AMPH: variants seen among roughly 807,000 people sequenced by gnomAD.
The protein encoded by AMPH is amphiphysin, also known as amphiphysin (Stiff-Mann syndrome with breast cancer 128kD autoantigen).
In AMPH, 49 loss-of-function variants were observed where a neutral mutation model predicts 99.1. The observed-to-expected ratio is 0.49, with a 90% CI of 0.39 to 0.63. The LOEUF (loss-of-function observed/expected upper bound fraction) is 0.63. Among genes scored for constraint, AMPH ranks in the 20% least tolerant of loss-of-function variants. AMPH has a pLI of 0.00. For synonymous variants in AMPH, 314 were observed against 317.3 expected, an observed-to-expected ratio of 0.99 and a Z score of 0.11; for missense variants, 759 against 863.4, an observed-to-expected ratio of 0.88 and a Z score of 1.52.
In AMPH at chr7:38,558,194, G is replaced by C. The variant is rs147161596; in HGVS notation, c.70-23183C>G. The stretch of plus-strand genomic sequence containing the variant: ...AATCTTCCTGAACACTCTAAGCACA[G>C]TTTCTAGAGAAAGTCCATCTAATCA... On this transcript the variant is annotated intron_variant, in intron 1 of 20. Transcript: ENST00000356264. Among the ~76,000 whole-genome samples, 882 of 152,310 alleles carry C rather than the reference G, an allele frequency of 5.8e-3. 14 individuals carry two copies. Among genetic ancestry groups the C allele is most frequent in the African/African-American group, 0.02 (820 of 41,566 alleles).
intron 1 of AMPH, among the ~76,000 whole-genome samples, chr7:38,613,787 G>A (rs10228249): frequency 0.037 from 5,325 of 143,694 alleles, 376 homozygotes; most frequent in African/African-American, 0.13. Flanking sequence ...CAGAGGTTTA[G>A]CTGCAGGAAT....
chr7:38,620,548 TACACACACACACACACACAC>T (rs201765719), intron 1 of AMPH, among the ~76,000 whole-genome samples: 1 of 133,100 alleles, frequency 7.5e-6, no homozygotes, highest in African/African-American at 2.9e-5. Context: ...TATACATACA[TACACACACACACACACACAC>T]ACACACACAC....
chr7:38,405,677 G>T (rs545629665), intron 17 of AMPH, among the ~76,000 whole-genome samples: 2 of 152,012 alleles, frequency 1.3e-5, no homozygotes, highest in Non-Finnish European at 1.5e-5. Flanking sequence ...TAGATATATA[G>T]AGAGATACAT....
At chr7:38,587,311 A>T (rs569515852) in intron 1 of AMPH, among the ~76,000 whole-genome samples, 1 of 152,198 alleles carries the variant, frequency 6.6e-6, no homozygotes, top group Admixed American at 6.5e-5. Context: ...GAGGTTTCAA[A>T]GCTGTGACTA....
intron 1 of AMPH, among the ~76,000 whole-genome samples, chr7:38,593,186 A>T (rs1461448215): frequency 6.6e-6 from 1 of 152,252 alleles, no homozygotes; most frequent in Non-Finnish European, 1.5e-5. Context: ...TAGGCAAGAA[A>T]CCATAAAGCA....
chr7:38,487,185 A>C (rs1421811464), intron 5 of AMPH, among the ~76,000 whole-genome samples: 2 of 152,166 alleles, frequency 1.3e-5, no homozygotes, highest in African/African-American at 4.8e-5. Flanking sequence ...AACTGCCAGA[A>C]CTACTAAACA....
intron 3 of AMPH, among the ~76,000 whole-genome samples, chr7:38,497,962 C>T (rs952571351): frequency 1.3e-5 from 2 of 152,224 alleles, no homozygotes; most frequent in African/African-American, 4.8e-5. Flanking sequence ...TTCATCATCC[C>T]TGTGTCTGGC....
At position 38,631,355 on chromosome 7, in the gene AMPH, T is replaced by C; in HGVS notation, c.-4A>G. The C allele has an allele frequency of 1.3e-6, 2 of 1,548,266 alleles. No individual in the cohort carries two copies. The highest frequency in any genetic ancestry group is 2.8e-5 in the African/African-American group (2 of 71,022). Reference sequence around the variant, plus strand: ...TGCCCGTCTTGATGTCGGCCATGGCTGCGGGTCCGGGGAGCTGCGAAGAGC... The same window carrying C: ...TGCCCGTCTTGATGTCGGCCATGGCCGCGGGTCCGGGGAGCTGCGAAGAGC... On this transcript the variant is annotated 5_prime_UTR_variant, in exon 1 of 21. Coordinates refer to ENST00000356264, the MANE Select transcript of AMPH (RefSeq NM_001635.4).
intron 1 of AMPH, among the ~76,000 whole-genome samples, chr7:38,598,254 GTTGTTGTTGTTGTTCTT>G (rs1793129221): frequency 6.6e-6 from 1 of 151,862 alleles, no homozygotes; most frequent in Non-Finnish European, 1.5e-5. Flanking sequence ...AATGTTTTTT[GTTGTTGTTGTTGTTCTT>G]TTGTTGTTGT....
chr7:38,606,944 C>T, intron 1 of AMPH, among the ~76,000 whole-genome samples: 1 of 152,106 alleles, frequency 6.6e-6, no homozygotes, highest in East Asian at 1.9e-4. Context: ...TTTATCTTTC[C>T]TCAGTGAATG....
At chr7:38,537,159 T>C (rs774263260) in intron 1 of AMPH, among the ~76,000 whole-genome samples, 3 of 152,006 alleles carry the variant, frequency 2.0e-5, no homozygotes, top group Non-Finnish European at 4.4e-5. Context: ...GGTTAAAAAC[T>C]CCCAGCAAAA....
At chr7:38,618,854 C>T (rs1793960119) in intron 1 of AMPH, among the ~76,000 whole-genome samples, 1 of 152,134 alleles carries the variant, frequency 6.6e-6, no homozygotes, top group Non-Finnish European at 1.5e-5. Context: ...ATAAGATATA[C>T]ATGACAAACA....
In AMPH at chr7:38,424,960, G is replaced by A. The variant is rs556412188; in HGVS notation, c.1215+1994C>T. ...GCAACACTAGGTGGTAGGATTGAGT[G>A]GAGCGATGGCTGTAAAATTATAAGG... On this transcript the variant is annotated intron_variant, in intron 15 of 20. Coordinates refer to ENST00000356264, the MANE Select transcript of AMPH (RefSeq NM_001635.4). Among the ~76,000 whole-genome samples the A allele has an allele frequency of 1.4e-4, 22 of 152,316 alleles. No homozygotes were observed. In the South Asian group the frequency reaches 4.4e-3, roughly 30 times the overall value.
chr7:38,594,083 G>A (rs1426033320), intron 1 of AMPH, among the ~76,000 whole-genome samples: 2 of 152,114 alleles, frequency 1.3e-5, no homozygotes, highest in African/African-American at 4.8e-5. Context: ...GGGGGTCACG[G>A]GAAGAAGCAG....
At chr7:38,473,361 A>G (rs1372560670) in intron 7 of AMPH, among the ~76,000 whole-genome samples, 1 of 152,204 alleles carries the variant, frequency 6.6e-6, no homozygotes, top group Non-Finnish European at 1.5e-5. Context: ...ATCTTAAGTA[A>G]GGACAAAAAC....
chr7:38,419,784 G>A (rs899378673), intron 16 of AMPH, among the ~76,000 whole-genome samples: 4 of 152,142 alleles, frequency 2.6e-5, no homozygotes, highest in African/African-American at 9.7e-5. Flanking sequence ...TCTACTCTAT[G>A]GAAGAAGTAA....
chr7:38,603,877 A>C (rs1232090912), intron 1 of AMPH, among the ~76,000 whole-genome samples: 1 of 152,238 alleles, frequency 6.6e-6, no homozygotes, highest in Non-Finnish European at 1.5e-5. Flanking sequence ...TCATCCTGGA[A>C]GCAAAAATAA....
At chr7:38,519,911 G>A (rs1291332621) in intron 2 of AMPH, among the ~76,000 whole-genome samples, 1 of 152,010 alleles carries the variant, frequency 6.6e-6, no homozygotes, top group Non-Finnish European at 1.5e-5. Flanking sequence ...TAAATAAAAT[G>A]TGGTACATAT....
At chr7:38,557,880 C>G (rs1454019075) in intron 1 of AMPH, among the ~76,000 whole-genome samples, 2 of 151,834 alleles carry the variant, frequency 1.3e-5, no homozygotes, top group Non-Finnish European at 2.9e-5. Context: ...ATAGCAAAAC[C>G]CAGTCTCTAC....
Sources: gnomAD v4.1 joint callset for allele counts (sites outside exome capture counted in the v4.1 genomes callset) on GRCh38, gnomAD v4.1.1 for gene constraint, MANE v1.5 for transcripts, NCBI Gene and HGNC (gene_info 2026-07-23, HGNC 2026-07-21) for gene names.